Variants in COQ8A observed in about 807,000 individuals in gnomAD.
COQ8A encodes the protein atypical kinase COQ8A, mitochondrial.
In COQ8A, 51 loss-of-function variants were observed where a neutral mutation model predicts 65.0. The ratio of observed to expected loss-of-function variants is 0.78; its 90% CI spans 0.63 to 0.99. COQ8A has a LOEUF of 0.99. Ranked by LOEUF, COQ8A falls within the 50% of genes least tolerant of loss-of-function variation. The probability of loss-of-function intolerance (pLI) is 0.00; values close to 1 mark genes in which losing one functional copy is unlikely to be tolerated. For synonymous variants in COQ8A, 371 were observed against 353.2 expected (o/e 1.05, Z -0.57); for missense variants, 940 against 875.0 (o/e 1.07, Z -0.94).
chr1:226,954,111 T>G (rs1657545518), intron 1 of COQ8A, among the ~76,000 whole-genome samples: 1 of 152,218 alleles, frequency 6.6e-6, no homozygotes, highest in South Asian at 2.1e-4. Context: ...ATCCTGAATA[T>G]CATTAAACAG....
intron 4 of COQ8A, among the ~76,000 whole-genome samples, chr1:226,971,930 C>G (rs1324773961): frequency 6.6e-6 from 1 of 152,200 alleles, no homozygotes; most frequent in African/African-American, 2.4e-5. Flanking sequence ...AATACTGTAT[C>G]TGTACTATTC....
intron 2 of COQ8A, among the ~76,000 whole-genome samples, chr1:226,961,985 C>T (rs573642109): frequency 6.6e-6 from 1 of 152,288 alleles, no homozygotes; most frequent in Admixed American, 6.5e-5. Flanking sequence ...GCTTCATTCT[C>T]ATGACTTAAT....
chr1:226,984,522 A>C (rs368952525), intron 11 of COQ8A, 26 bp from the exon 12 acceptor site: 1 of 1,585,524 alleles, frequency 6.3e-7, no homozygotes, highest in Non-Finnish European at 8.7e-7. Flanking sequence ...GTGCTGCCTG[A>C]CACAGACCCT....
At chr1:226,965,783 G>T (rs1452747039) in intron 4 of COQ8A, 46 bp downstream of exon 4, 21 of 1,591,552 alleles carry the variant, frequency 1.3e-5, no homozygotes, top group Non-Finnish European at 1.7e-5. Flanking sequence ...GCCCTGCCTG[G>T]GCACCACGCT....
At chr1:226,945,683 C>T (rs564296550) in intron 1 of COQ8A, among the ~76,000 whole-genome samples, 161 of 152,334 alleles carry the variant, frequency 1.1e-3, no homozygotes, top group Non-Finnish European at 1.9e-3. Flanking sequence ...CTGCTGTTTA[C>T]ACCTGCTTGG....
At chr1:226,957,535 G>A (rs1291079266) in intron 1 of COQ8A, among the ~76,000 whole-genome samples, 2 of 152,082 alleles carry the variant, frequency 1.3e-5, no homozygotes, top group African/African-American at 4.8e-5. Context: ...TGACGTCCCT[G>A]GCCTGCTGTC....
intron 2 of COQ8A, 110 bp from the exon 3 acceptor site, chr1:226,964,890 T>G (rs1658462737): frequency 7.9e-7 from 1 of 1,271,612 alleles, no homozygotes; most frequent in South Asian, 1.2e-5. Context: ...CCTCTGGAGG[T>G]GGGAGGGGGC....
intron 4 of COQ8A, among the ~76,000 whole-genome samples, chr1:226,967,582 C>T (rs1359383611): frequency 2.0e-5 from 3 of 152,040 alleles, no homozygotes; most frequent in Admixed American, 1.3e-4. Context: ...TTTTGGGTGA[C>T]GGGTTAAGGA....
intron 4 of COQ8A, among the ~76,000 whole-genome samples, chr1:226,975,284 C>T (rs1284574373): frequency 1.3e-5 from 2 of 152,144 alleles, no homozygotes; most frequent in Admixed American, 6.5e-5. Context: ...CATCCCAACA[C>T]AGCAGACATC....
At position 226,965,077 on chromosome 1, in the gene COQ8A, T is replaced by C. The variant is rs2297411; in HGVS notation, c.255T>C (p.His85=). The change falls in exon 3 of 15, where the codon CAT becomes CAC. Residue 85 remains histidine, a synonymous_variant. Transcript: ENST00000366777. ...PEGEFHFSVP[H]AAGASTDFSS... is the part of the protein sequence containing the mutation. Reference sequence around the variant, plus strand: ...GGGAGTTCCACTTCTCAGTCCCGCATGCAGCCGGAGCCTCCACAGACTTCT... The same window carrying C: ...GGGAGTTCCACTTCTCAGTCCCGCACGCAGCCGGAGCCTCCACAGACTTCT... The C allele has an allele frequency of 6.2e-7, 1 of 1,613,932 alleles. No individual in the cohort carries two copies. The highest frequency in any genetic ancestry group is 2.2e-5 in the East Asian group (1 of 44,876).
chr1:226,966,408 T>C (rs1165350477), intron 4 of COQ8A, among the ~76,000 whole-genome samples: 1 of 152,268 alleles, frequency 6.6e-6, no homozygotes, highest in Non-Finnish European at 1.5e-5. Context: ...TTTGTCATGC[T>C]GCTGCTAATG....
At chr1:226,957,143 TGCTCTCCCTGGCTTCC>T (rs1278726857) in intron 1 of COQ8A, among the ~76,000 whole-genome samples, 2 of 140,110 alleles carry the variant, frequency 1.4e-5, no homozygotes, top group African/African-American at 2.7e-5. Flanking sequence ...CCCTGGCTCC[TGCTCTCCCTGGCTTCC>T]GCTCTCCCTG....
chr1:226,964,950 A>C (rs1356877929), intron 2 of COQ8A, 50 bp from the exon 3 acceptor site: 107 of 1,604,310 alleles, frequency 6.7e-5, no homozygotes, highest in Non-Finnish European at 8.1e-5. Flanking sequence ...GGCAGGGAGG[A>C]GCTCCTGGCT....
intron 1 of COQ8A, among the ~76,000 whole-genome samples, chr1:226,954,068 G>A (rs1005788585): frequency 6.6e-6 from 1 of 152,248 alleles, no homozygotes; most frequent in Non-Finnish European, 1.5e-5. Context: ...TGGCTGGGAG[G>A]GGGGCAGAAG....
At chr1:226,984,752 G>T (rs1659973529) in intron 12 of COQ8A, 97 bp downstream of exon 12, 6 of 1,500,932 alleles carry the variant, frequency 4.0e-6, no homozygotes, top group Non-Finnish European at 5.6e-6. Flanking sequence ...GGGAAAGTCA[G>T]CAGAGAGCTC....
At chr1:226,980,622 C>T (rs1659627541) in intron 5 of COQ8A, among the ~76,000 whole-genome samples, 1 of 152,214 alleles carries the variant, frequency 6.6e-6, no homozygotes, top group Admixed American at 6.5e-5. Context: ...CCTTCTGGGC[C>T]CAGCCCTCTT....
At chr1:226,982,859 C>A in intron 7 of COQ8A, 35 bp from the exon 8 acceptor site, 1 of 1,612,626 alleles carries the variant, frequency 6.2e-7, no homozygotes, top group Non-Finnish European at 8.5e-7. Context: ...CCAGGCAGGG[C>A]ATGCTCAGAG....
At chr1:226,983,163 G>T in intron 8 of COQ8A, 129 bp downstream of exon 8, 1 of 1,348,956 alleles carries the variant, frequency 7.4e-7, no homozygotes, top group Non-Finnish European at 9.9e-7. Context: ...GCCATATGTG[G>T]TGTCTTCTGG....
intron 1 of COQ8A, among the ~76,000 whole-genome samples, chr1:226,948,054 C>G (rs1657150628): frequency 6.6e-6 from 1 of 152,158 alleles, no homozygotes; most frequent in African/African-American, 2.4e-5. Flanking sequence ...GCTTTAATTT[C>G]CTATGGCTGT....
Sources: gnomAD v4.1 joint callset for allele counts (sites outside exome capture counted in the v4.1 genomes callset) on GRCh38, gnomAD v4.1.1 for gene constraint, MANE v1.5 for transcripts, NCBI Gene and HGNC (gene_info 2026-07-23, HGNC 2026-07-21) for gene names.